The following OXCT1 variants were observed in gnomAD, a reference collection of about 807,000 sequenced individuals.
OXCT1 encodes the protein 3-oxoacid CoA-transferase 1.
In OXCT1, 27 loss-of-function variants were observed where a neutral mutation model predicts 69.6. That is an observed-to-expected ratio of 0.39 (90% CI 0.29 to 0.54). The LOEUF (loss-of-function observed/expected upper bound fraction) is 0.54. Ranked by LOEUF, OXCT1 falls within the 20% of genes least tolerant of loss-of-function variation. The probability of loss-of-function intolerance (pLI) is 0.72; values close to 1 mark genes in which losing one functional copy is unlikely to be tolerated. For synonymous variants in OXCT1, 202 were observed against 217.8 expected (o/e 0.93, Z 0.64); for missense variants, 437 against 650.2 (o/e 0.67, Z 3.57).
chr5:41,859,537 G>T (rs1749620170), intron 3 of OXCT1, among the ~76,000 whole-genome samples: 1 of 152,032 alleles, frequency 6.6e-6, no homozygotes, highest in South Asian at 2.1e-4. Context: ...CAGGCCCCTC[G>T]AATAAGGGAG....
At chr5:41,790,578 T>C (rs1276217474) in intron 13 of OXCT1, among the ~76,000 whole-genome samples, 1 of 152,232 alleles carries the variant, frequency 6.6e-6, no homozygotes, top group African/African-American at 2.4e-5. Context: ...TCTGATGCTA[T>C]AATGATTGAT....
intron 3 of OXCT1, among the ~76,000 whole-genome samples, chr5:41,853,959 G>A (rs1026629480): frequency 6.6e-6 from 1 of 152,122 alleles, no homozygotes. Flanking sequence ...TGCTTTGAAG[G>A]AACACATAAA....
rs965948765 is a variant in OXCT1 at position 41,845,859 on chromosome 5, C to A, written c.565-3078G>T. Among the ~76,000 whole-genome samples, 4 of 151,798 alleles carry A rather than the reference C, an allele frequency of 2.6e-5. No individual in the cohort carries two copies. In the East Asian group the frequency reaches 7.7e-4, roughly 29 times the overall value. On this transcript the variant is annotated intron_variant, in intron 5 of 16. Transcript: ENST00000196371. ...AAGAAGCCTTTTAAACTTATTTAGA[C>A]AGTAAAGGAAAAAGATCAAACATAA... is the stretch of plus-strand genomic sequence containing the variant.
intron 13 of OXCT1, among the ~76,000 whole-genome samples, chr5:41,787,328 G>A (rs756575612): frequency 1.1e-4 from 16 of 152,144 alleles, no homozygotes; most frequent in Admixed American, 8.5e-4. Flanking sequence ...CACACAGTAC[G>A]GGACTACCAT....
At chr5:41,769,250 C>A (rs1744764113) in intron 13 of OXCT1, among the ~76,000 whole-genome samples, 1 of 152,064 alleles carries the variant, frequency 6.6e-6, no homozygotes, top group Non-Finnish European at 1.5e-5. Flanking sequence ...CCTTATGAGA[C>A]ACCTCCCTTC....
chr5:41,821,476 A>G (rs1368956238), intron 7 of OXCT1, among the ~76,000 whole-genome samples: 1 of 152,204 alleles, frequency 6.6e-6, no homozygotes, highest in Non-Finnish European at 1.5e-5. Flanking sequence ...AATTCCAAGG[A>G]GTGTAATTGC....
intron 4 of OXCT1, among the ~76,000 whole-genome samples, chr5:41,851,002 T>G (rs938970750): frequency 8.5e-5 from 13 of 152,096 alleles, no homozygotes; most frequent in Non-Finnish European, 1.8e-4. Context: ...GACTGGCTAG[T>G]CAGTAGTTAA....
chr5:41,771,687 T>C (rs1744877061), intron 13 of OXCT1, among the ~76,000 whole-genome samples: 1 of 152,194 alleles, frequency 6.6e-6, no homozygotes, highest in East Asian at 1.9e-4. Context: ...CATGACCAAG[T>C]GTTTCAGGAT....
intron 10 of OXCT1, among the ~76,000 whole-genome samples, chr5:41,802,051 T>C (rs1251157840): frequency 2.0e-5 from 3 of 152,106 alleles, no homozygotes; most frequent in African/African-American, 7.2e-5. Flanking sequence ...TGGCCATGGA[T>C]AATCCACAAA....
chr5:41,769,467 T>G (rs1744776024), intron 13 of OXCT1, among the ~76,000 whole-genome samples: 1 of 150,842 alleles, frequency 6.6e-6, no homozygotes, highest in South Asian at 2.1e-4. Context: ...CTCACACCTG[T>G]AATCTGGACA....
chr5:41,782,114 C>CTT lies in OXCT1; in HGVS notation c.1248+11887_1248+11888dup, dbSNP rs71608624. On this transcript the variant is annotated intron_variant, in intron 13 of 16. Transcript: ENST00000196371. The stretch of plus-strand genomic sequence containing the variant: ...TTTTTCTCCACAATCTTGCCAGCAT[C>CTT]TTTTTTTTTTTTTTTAATTTTTAGT... Among the ~76,000 whole-genome samples the CTT allele has an allele frequency of 5.8e-3, 796 of 137,120 alleles. 5 individuals are homozygous for CTT. Among genetic ancestry groups the CTT allele is most frequent in the African/African-American group, 0.02 (739 of 37,064 alleles). The allele number at this position is 137,120 out of a possible 152,430, so 90.0% of individuals were successfully genotyped here.
chr5:41,853,822 G>GACAT, intron 3 of OXCT1: 1 of 526,906 alleles, frequency 1.9e-6, no homozygotes, highest in Non-Finnish European at 3.4e-6. Context: ...GGCAGTAAGG[G>GACAT]ACATACAGCC....
At chr5:41,810,805 T>C (rs1456228570) in intron 7 of OXCT1, among the ~76,000 whole-genome samples, 1 of 152,022 alleles carries the variant, frequency 6.6e-6, no homozygotes, top group African/African-American at 2.4e-5. Flanking sequence ...TTTATTTTAG[T>C]GACAACCTCA....
At chr5:41,851,255 G>A (rs1356842007) in intron 4 of OXCT1, among the ~76,000 whole-genome samples, 2 of 152,178 alleles carry the variant, frequency 1.3e-5, no homozygotes, top group African/African-American at 2.4e-5. Flanking sequence ...CTAACAGTTG[G>A]GACTTGAGAC....
chr5:41,761,270 A>T (rs1744333256), intron 14 of OXCT1, among the ~76,000 whole-genome samples: 1 of 152,070 alleles, frequency 6.6e-6, no homozygotes, highest in Non-Finnish European at 1.5e-5. Context: ...GGAATCAGAG[A>T]CACCAGGTCT....
In OXCT1 at chr5:41,767,722, G is replaced by GTATATATATATATATATATATA. The variant is rs367584226; in HGVS notation, c.1249-5544_1249-5523dup. Among the ~76,000 whole-genome samples, 96 of 89,884 alleles carry GTATATATATATATATATATATA rather than the reference G, an allele frequency of 1.1e-3. 2 individuals are homozygous for GTATATATATATATATATATATA. The highest frequency in any genetic ancestry group is 1.7e-3 in the Admixed American group (13 of 7,876). 59.0% of individuals were successfully genotyped at this position (89,884 alleles called of 152,430 possible). A position where few individuals can be genotyped will look rare whatever the true frequency, so the allele number is the denominator to read the frequency against. On this transcript the variant is annotated intron_variant, in intron 13 of 16. Coordinates refer to ENST00000196371, the MANE Select transcript of OXCT1 (RefSeq NM_000436.4). ...TCTAGTATCTAATATATATGTGTGT[G>GTATATATATATATATATATATA]TATATATATATATATATATATATAT...
intron 1 of OXCT1, among the ~76,000 whole-genome samples, chr5:41,869,754 C>T (rs1347069545): frequency 6.6e-6 from 1 of 152,138 alleles, no homozygotes; most frequent in East Asian, 1.9e-4. Flanking sequence ...TCCACACCCG[C>T]CGCACCCGGC....
At position 41,755,604 on chromosome 5, in the gene OXCT1, T is replaced by C. The variant is rs1374189927; in HGVS notation, c.1339-5997A>G. 2.6e-5 allele frequency among the ~76,000 whole-genome samples: 4 copies of C among 152,148 alleles called. No homozygotes were observed. In the East Asian group the frequency reaches 7.7e-4, roughly 29 times the overall value. On this transcript the variant is annotated intron_variant, in intron 14 of 16. Transcript: ENST00000196371. ...AAAAAGCCTTCATATTTGTTGGCTT[T>C]TGATAACACATTTCATCCAAAATAA...
intron 14 of OXCT1, among the ~76,000 whole-genome samples, chr5:41,753,310 GAC>G (rs56169527): frequency 0.16 from 23,858 of 149,890 alleles, 3,902 homozygotes; most frequent in African/African-American, 0.42. Context: ...CACACACATA[GAC>G]ACACACACAC....
Sources: allele counts gnomAD v4.1 joint callset (sites outside exome capture counted in the v4.1 genomes callset), GRCh38; gene constraint gnomAD v4.1.1; transcripts MANE v1.5; gene names NCBI Gene and HGNC (gene_info 2026-07-23, HGNC 2026-07-21).